KIZ: variants seen among roughly 807,000 people sequenced by gnomAD.
KIZ encodes kizuna centrosomal protein.
KIZ carries 68 observed loss-of-function variants against 79.6 expected under a neutral mutation model. The observed-to-expected ratio is 0.85, with a 90% CI of 0.70 to 1.05. The LOEUF is 1.05. Among genes scored for constraint, KIZ ranks in the 50% least tolerant of loss-of-function variants. The pLI is 0.00. For missense variants in KIZ, 797 were observed against 800.4 expected (o/e 1.00, Z 0.05); for synonymous variants, 280 against 281.8 (o/e 0.99, Z 0.06).
At chr20:21,246,121 G>A (rs372395301) in intron 12 of KIZ, 178 of 227,904 alleles carry the variant, frequency 7.8e-4, no homozygotes, top group African/African-American at 4.0e-3. Flanking sequence ...GATGAAAGTG[G>A]AGGGGCAGCT....
intron 6 of KIZ, chr20:21,194,454 G>A (rs947294083): frequency 1.3e-5 from 2 of 152,186 alleles, no homozygotes; most frequent in African/African-American, 4.8e-5. Context: ...ATTCCATACA[G>A]CGTTTGAATT....
At chr20:21,167,558 G>C (rs1044520054) in intron 6 of KIZ, among the ~76,000 whole-genome samples, 2 of 114,838 alleles carry the variant, frequency 1.7e-5, no homozygotes, top group African/African-American at 5.9e-5. Context: ...TGTTTGTTTC[G>C]CTTTTTTTTT....
intron 3 of KIZ, among the ~76,000 whole-genome samples, chr20:21,141,914 TC>T (rs556412901): frequency 8.5e-4 from 126 of 148,866 alleles, no homozygotes; most frequent in Non-Finnish European, 1.5e-3. Context: ...CTCCCTAATT[TC>T]CCCCCTCCAC....
chr20:21,186,480 C>G (rs138907494), intron 6 of KIZ, among the ~76,000 whole-genome samples: 90 of 151,702 alleles, frequency 5.9e-4, no homozygotes, highest in African/African-American at 1.0e-3. Context: ...AACTCTGACA[C>G]TGACAAAAGA....
At chr20:21,228,802 A>G (rs570598482) in intron 9 of KIZ, among the ~76,000 whole-genome samples, 4 of 152,312 alleles carry the variant, frequency 2.6e-5, no homozygotes, top group Admixed American at 1.3e-4. Context: ...GGCTGCCTCA[A>G]ATAAACTCAT....
chr20:21,199,224 G>A (rs1163683795), intron 6 of KIZ, among the ~76,000 whole-genome samples: 1 of 152,154 alleles, frequency 6.6e-6, no homozygotes, highest in Non-Finnish European at 1.5e-5. Context: ...ATTCATAATA[G>A]AGCATTGATT....
Position 21,162,300 on chromosome 20 carries a change from C to G in KIZ, c.835C>G (p.Arg279Gly), listed in dbSNP as rs753217273. The change falls in exon 5 of 13, where the codon CGG (arginine) becomes GGG (glycine). Residue 279 changes from arginine (R) to glycine (G), a missense_variant. Coordinates refer to ENST00000619189, the MANE Select transcript of KIZ (RefSeq NM_018474.6). The stretch of plus-strand genomic sequence containing the variant: ...GTCTGCTGAACTCAATTCCCCGTTA[C>G]GGGAAAGATTAAGTCCAGAGAACAG... ...KKSAELNSPL[R>G]ERLSPENRTT... 2.5e-6 allele frequency: 4 copies of G among 1,613,574 alleles called. No homozygotes were observed. In the South Asian group the frequency reaches 4.4e-5, roughly 18 times the overall value.
At chr20:21,136,901 T>A (rs923141758) in intron 3 of KIZ, among the ~76,000 whole-genome samples, 8 of 152,256 alleles carry the variant, frequency 5.3e-5, no homozygotes, top group African/African-American at 1.9e-4. Flanking sequence ...TTCTGTGAAT[T>A]ACCATGTGGC....
chr20:21,144,727 T>C (rs1197044004), intron 3 of KIZ, among the ~76,000 whole-genome samples: 1 of 152,158 alleles, frequency 6.6e-6, no homozygotes, highest in African/African-American at 2.4e-5. Context: ...TCAGGCCTAT[T>C]TTATGTTCAG....
chr20:21,166,474 C>T lies in KIZ; in HGVS notation c.1352+3315C>T, dbSNP rs986221492. ...ATTCGCCAGTGTAACCATGCTTCAT[C>T]ATCACAATGAGAAACCGGACGATGA... On this transcript the variant is annotated intron_variant, in intron 6 of 12. Coordinates refer to ENST00000619189, the MANE Select transcript of KIZ (RefSeq NM_018474.6). 1.9e-6 allele frequency: 3 copies of T among 1,576,240 alleles called. No homozygotes were observed. In the South Asian group the frequency reaches 3.3e-5, roughly 17 times the overall value.
chr20:21,205,593 C>G lies in KIZ; in HGVS notation c.1446+9C>G, dbSNP rs1484787266. The G allele has an allele frequency of 7.9e-7, 1 of 1,266,890 alleles. No individual in the cohort carries two copies. 78.5% of individuals were successfully genotyped at this position (1,266,890 alleles called of 1,614,324 possible). Reference sequence around the variant, plus strand: ...ATTCTGTCAAAGAAGAGGTAGGTAGCTAAACTGTCTGAAGTTTTCCCAATC... The same window carrying G: ...ATTCTGTCAAAGAAGAGGTAGGTAGGTAAACTGTCTGAAGTTTTCCCAATC... On this transcript the variant is annotated intron_variant, in intron 7 of 12. Transcript: ENST00000619189.
intron 9 of KIZ, among the ~76,000 whole-genome samples, chr20:21,222,580 A>G (rs1207403541): frequency 6.6e-6 from 1 of 152,228 alleles, no homozygotes; most frequent in Non-Finnish European, 1.5e-5. Flanking sequence ...GTAACAAAGT[A>G]TCACAAACTT....
chr20:21,189,825 G>A lies in KIZ; in HGVS notation c.1353-15666G>A, dbSNP rs146469519. Reference sequence around the variant, plus strand: ...GCTGACCCCTGGTCCACAGCCTGCCGTGGTCGCCTCGCTGTGCTGGCCTTT... The same window carrying A: ...GCTGACCCCTGGTCCACAGCCTGCCATGGTCGCCTCGCTGTGCTGGCCTTT... On this transcript the variant is annotated intron_variant, in intron 6 of 12. Coordinates refer to ENST00000619189, the MANE Select transcript of KIZ (RefSeq NM_018474.6). 4.4e-4 allele frequency among the ~76,000 whole-genome samples: 67 copies of A among 152,268 alleles called. 2 individuals are homozygous for A. The highest frequency in any genetic ancestry group is 1.4e-3 in the African/African-American group (58 of 41,560).
At chr20:21,155,059 C>T (rs547759658) in intron 4 of KIZ, among the ~76,000 whole-genome samples, 24 of 152,198 alleles carry the variant, frequency 1.6e-4, no homozygotes, top group African/African-American at 4.6e-4. Context: ...ATATAATTGC[C>T]GGTGGGAATG....
intron 6 of KIZ, chr20:21,202,202 A>G (rs1422802910): frequency 6.6e-6 from 1 of 152,162 alleles, no homozygotes; most frequent in African/African-American, 2.4e-5. Context: ...CACCAGAGGG[A>G]CTGTTCTTTG....
chr20:21,216,316 A>C (rs1380817607), intron 9 of KIZ, among the ~76,000 whole-genome samples: 1 of 152,218 alleles, frequency 6.6e-6, no homozygotes, highest in African/African-American at 2.4e-5. Context: ...CTTCATTATA[A>C]ATTCAAAGGT....
At chr20:21,198,997 C>A (rs999553686) in intron 6 of KIZ, among the ~76,000 whole-genome samples, 1 of 152,132 alleles carries the variant, frequency 6.6e-6, no homozygotes, top group Non-Finnish European at 1.5e-5. Context: ...TTTCTCACTG[C>A]CTTTTATATC....
At chr20:21,158,154 T>C (rs1473487238) in intron 4 of KIZ, among the ~76,000 whole-genome samples, 1 of 152,238 alleles carries the variant, frequency 6.6e-6, no homozygotes, top group Non-Finnish European at 1.5e-5. Flanking sequence ...TTGTCTTTGT[T>C]ATTATATCAG....
intron 12 of KIZ, chr20:21,245,658 A>AAC (rs568116495): frequency 6.6e-6 from 1 of 152,364 alleles, no homozygotes; most frequent in South Asian, 2.1e-4. Flanking sequence ...CAATTCACAG[A>AAC]CGCGCCTACA....
Sources: allele counts gnomAD v4.1 joint callset (sites outside exome capture counted in the v4.1 genomes callset), GRCh38; gene constraint gnomAD v4.1.1; transcripts MANE v1.5; gene names NCBI Gene and HGNC (gene_info 2026-07-23, HGNC 2026-07-21).